The following FAM220A variants were observed in gnomAD, a reference collection of about 807,000 sequenced individuals.
The protein encoded by FAM220A is family with sequence similarity 220 member A.
For synonymous variants in FAM220A, 141 were observed against 130.7 expected (o/e 1.08, Z -0.54); for missense variants, 392 against 321.6 (o/e 1.22, Z -1.68).
In FAM220A at chr7:6,331,251, A is replaced by T. The variant is rs1781628816; in HGVS notation, c.-81-16T>A. ...CAATATGAACCTAGGAAAGGGAATC[A>T]AATTAAAGTTCTAAAATGAAGACAC... is the stretch of plus-strand genomic sequence containing the variant. On this transcript the variant is annotated splice_polypyrimidine_tract_variant and intron_variant, in intron 1 of 1. Transcript: ENST00000313324. 1 of 1,265,610 alleles carries T rather than the reference A, an allele frequency of 7.9e-7. No individual in the cohort carries two copies. The highest frequency in any genetic ancestry group is 1.5e-5 in the African/African-American group (1 of 66,272). 78.4% of individuals were successfully genotyped at this position (1,265,610 alleles called of 1,614,324 possible). A position where few individuals can be genotyped will look rare whatever the true frequency, so the allele number is the denominator to read the frequency against.
Position 6,348,961 on chromosome 7 carries a change from G to T in FAM220A, c.-470C>A, listed in dbSNP as rs945526482. The T allele has an allele frequency of 5.3e-6, 2 of 376,334 alleles. No individual in the cohort carries two copies. Among genetic ancestry groups the T allele is most frequent in the African/African-American group, 4.2e-5 (2 of 47,680 alleles). 23.3% of individuals were successfully genotyped at this position (376,334 alleles called of 1,614,324 possible). On this transcript the variant is annotated 5_prime_UTR_variant, in exon 1 of 2. Coordinates refer to ENST00000313324, the MANE Select transcript of FAM220A (RefSeq NM_001037163.2). The stretch of plus-strand genomic sequence containing the variant: ...CAGCCGCCTGTACCAGCCTGGCCGC[G>T]CAGCCTGACGTCACAAAGCCAGCCA...
At chr7:6,338,324 C>T (rs972966874) in intron 1 of FAM220A, among the ~76,000 whole-genome samples, 4 of 152,060 alleles carry the variant, frequency 2.6e-5, no homozygotes, top group African/African-American at 4.8e-5. Context: ...TAAGTGTATA[C>T]AAAATCAGCT....
At chr7:6,337,096 G>C (rs1359415000) in intron 1 of FAM220A, among the ~76,000 whole-genome samples, 2 of 148,100 alleles carry the variant, frequency 1.4e-5, no homozygotes, top group Non-Finnish European at 3.0e-5. Flanking sequence ...TGAGACAAGA[G>C]TCTCTCTCTG....
rs556841523 is a variant in FAM220A at position 6,339,624 on chromosome 7, C to T, written c.-81-8389G>A. 1.8e-4 allele frequency among the ~76,000 whole-genome samples: 28 copies of T among 152,002 alleles called. No individual in the cohort carries two copies. The South Asian group carries it at 5.0e-3, about 27-fold the overall frequency. On this transcript the variant is annotated intron_variant, in intron 1 of 1. Coordinates refer to ENST00000313324, the MANE Select transcript of FAM220A (RefSeq NM_001037163.2). Reference sequence around the variant, plus strand: ...TCAGCCTCCGGAGTAGCTGGGACTACAGGCGCCCGCCACCACGCCTGGGTA... The same window carrying T: ...TCAGCCTCCGGAGTAGCTGGGACTATAGGCGCCCGCCACCACGCCTGGGTA...
intron 1 of FAM220A, among the ~76,000 whole-genome samples, chr7:6,347,103 G>T (rs182078814): frequency 1.1e-3 from 166 of 152,290 alleles, no homozygotes; most frequent in African/African-American, 3.8e-3. Flanking sequence ...AAGGCAGGAG[G>T]ATCACTTGAG....
rs1782011086 is a variant in FAM220A at position 6,348,946 on chromosome 7, T to C, written c.-455A>G. The C allele has an allele frequency of 7.9e-6, 3 of 377,610 alleles. No individual in the cohort carries two copies. Among genetic ancestry groups the C allele is most frequent in the African/African-American group, 2.1e-5 (1 of 47,360 alleles). 23.4% of individuals were successfully genotyped at this position (377,610 alleles called of 1,614,324 possible). A position where few individuals can be genotyped will look rare whatever the true frequency, so the allele number is the denominator to read the frequency against. ...AAGTGCCTCCGCGAGCAGCCGCCTGTACCAGCCTGGCCGCGCAGCCTGACG... is the reference window on the plus strand; with the variant it reads ...AAGTGCCTCCGCGAGCAGCCGCCTGCACCAGCCTGGCCGCGCAGCCTGACG... On this transcript the variant is annotated 5_prime_UTR_variant, in exon 1 of 2. Coordinates refer to ENST00000313324, the MANE Select transcript of FAM220A (RefSeq NM_001037163.2).
intron 1 of FAM220A, among the ~76,000 whole-genome samples, chr7:6,333,765 C>T (rs956827995): frequency 7.0e-6 from 1 of 143,192 alleles, no homozygotes; most frequent in Non-Finnish European, 1.5e-5. Context: ...ACTTGAAGAA[C>T]AAGTGTCTTT....
intron 1 of FAM220A, among the ~76,000 whole-genome samples, chr7:6,340,828 G>A (rs1443461195): frequency 7.3e-5 from 11 of 149,668 alleles, no homozygotes; most frequent in Admixed American, 3.3e-4. Flanking sequence ...GAACCCGGGA[G>A]GCGGAGCTGG....
rs552912371 is a variant in FAM220A, at chr7:6,333,652, C to T, written c.-81-2417G>A. ...TCACTGGGATTACAGGCAGGCACCA[C>T]CACACCTGGCAAATTTTTTTTTTTT... On this transcript the variant is annotated intron_variant, in intron 1 of 1. Coordinates refer to ENST00000313324, the MANE Select transcript of FAM220A (RefSeq NM_001037163.2). 9.4e-5 allele frequency among the ~76,000 whole-genome samples: 14 copies of T among 149,112 alleles called. No individual in the cohort carries two copies. In the South Asian group the frequency reaches 3.1e-3, roughly 33 times the overall value.
chr7:6,339,618 G>C (rs1162933663), intron 1 of FAM220A, among the ~76,000 whole-genome samples: 1 of 151,904 alleles, frequency 6.6e-6, no homozygotes, highest in East Asian at 1.9e-4. Context: ...GGAGTAGCTG[G>C]GACTACAGGC....
chr7:6,347,407 T>C (rs746905588), intron 1 of FAM220A, among the ~76,000 whole-genome samples: 45 of 151,816 alleles, frequency 3.0e-4, no homozygotes, highest in Non-Finnish European at 7.4e-5. Context: ...TCCCAGCTAC[T>C]CAGGAGGCTG....
rs1781584510 is a variant in FAM220A, at chr7:6,329,466, A to C, written c.*909T>G. ...ACAAATTTTATTTTTCATTTTCCCC[A>C]AACACTAAAATAGCACATGGCATAG... On this transcript the variant is annotated 3_prime_UTR_variant, in exon 2 of 2. Coordinates refer to ENST00000313324, the MANE Select transcript of FAM220A (RefSeq NM_001037163.2). 6.6e-6 allele frequency: 1 copy of C among 152,650 alleles called. No individual in the cohort carries two copies. Among genetic ancestry groups the C allele is most frequent in the Non-Finnish European group, 1.5e-5 (1 of 68,048 alleles). 9.5% of individuals were successfully genotyped at this position (152,650 alleles called of 1,614,324 possible).
chr7:6,348,638 GC>G lies in FAM220A; in HGVS notation c.-148del. 2.0e-6 allele frequency: 1 copy of G among 506,252 alleles called. No homozygotes were observed. Among genetic ancestry groups the G allele is most frequent in the Non-Finnish European group, 3.6e-6 (1 of 279,360 alleles). 31.4% of individuals were successfully genotyped at this position (506,252 alleles called of 1,614,324 possible). On this transcript the variant is annotated 5_prime_UTR_variant, in exon 1 of 2. It introduces an in-frame stop codon into an upstream open reading frame of the 5' UTR. Transcript: ENST00000313324. ...AGGTAGGGGAAGTTGATACGCAGCC[GC>G]CAGGCCAGGTCGAAGAAGATGAGCA... is the stretch of plus-strand genomic sequence containing the variant.
chr7:6,331,668 C>G (rs1177417645), intron 1 of FAM220A, among the ~76,000 whole-genome samples: 2 of 152,088 alleles, frequency 1.3e-5, no homozygotes, highest in East Asian at 3.9e-4. Context: ...GCGTGAGCCA[C>G]CACGCCCGGC....
chr7:6,347,041 C>G (rs898069328), intron 1 of FAM220A, among the ~76,000 whole-genome samples: 10 of 152,166 alleles, frequency 6.6e-5, no homozygotes, highest in African/African-American at 1.7e-4. Flanking sequence ...AAAAAGTCAT[C>G]TGAGGCTGGG....
chr7:6,347,516 G>C (rs1458435380), intron 1 of FAM220A, among the ~76,000 whole-genome samples: 1 of 138,472 alleles, frequency 7.2e-6, no homozygotes, highest in Non-Finnish European at 1.6e-5. Flanking sequence ...TCTGTCTCAG[G>C]GAAAAAAAAA....
rs960172937 is a variant in FAM220A at position 6,348,741 on chromosome 7, C to T, written c.-250G>A. 42 of 410,766 alleles carry T rather than the reference C, an allele frequency of 1.0e-4. No individual in the cohort carries two copies. The highest frequency in any genetic ancestry group is 1.7e-4 in the Non-Finnish European group (39 of 232,230). 25.4% of individuals were successfully genotyped at this position (410,766 alleles called of 1,614,324 possible). On this transcript the variant is annotated 5_prime_UTR_variant, in exon 1 of 2. Transcript: ENST00000313324. Reference sequence around the variant, plus strand: ...AGCGCGAGAGCCGGACAGCCAGGCCCGACAGAGCCGCCGCCATATAGAGAC... The same window carrying T: ...AGCGCGAGAGCCGGACAGCCAGGCCTGACAGAGCCGCCGCCATATAGAGAC...
chr7:6,348,144 AG>A (rs1432163750), intron 1 of FAM220A, among the ~76,000 whole-genome samples: 2 of 150,486 alleles, frequency 1.3e-5, no homozygotes, highest in African/African-American at 4.9e-5. Flanking sequence ...TCCTGACCTC[AG>A]GTAATCCGCC....
Position 6,331,242 on chromosome 7 carries a change from A to C in FAM220A, c.-81-7T>G. On this transcript the variant is annotated splice_region_variant and splice_polypyrimidine_tract_variant and intron_variant, in intron 1 of 1. Transcript: ENST00000313324. ...AATGGATCTCAATATGAACCTAGGA[A>C]AGGGAATCAAATTAAAGTTCTAAAA... is the stretch of plus-strand genomic sequence containing the variant. 1 of 1,324,286 alleles carries C rather than the reference A, an allele frequency of 7.6e-7. No homozygotes were observed. Among genetic ancestry groups the C allele is most frequent in the Admixed American group, 2.6e-5 (1 of 39,104 alleles). The allele number at this position is 1,324,286 out of a possible 1,614,324, so 82.0% of individuals were successfully genotyped here.
Sources: gnomAD v4.1 joint callset for allele counts (sites outside exome capture counted in the v4.1 genomes callset) on GRCh38, gnomAD v4.1.1 for gene constraint, MANE v1.5 for transcripts, NCBI Gene and HGNC (gene_info 2026-07-23, HGNC 2026-07-21) for gene names.